Variants in ITPR3 observed in about 807,000 individuals in gnomAD.
ITPR3 encodes inositol 1,4,5-trisphosphate receptor type 3.
Under a neutral mutation model 293.2 loss-of-function variants are expected in ITPR3, and 173 were observed. The observed-to-expected ratio is 0.59, with a 90% CI of 0.52 to 0.67. The LOEUF (loss-of-function observed/expected upper bound fraction) is 0.67, where lower values mean the gene tolerates loss of function less well. Ranked by LOEUF, ITPR3 falls within the 30% of genes least tolerant of loss-of-function variation. The probability of loss-of-function intolerance (pLI) is 0.00; values close to 1 mark genes in which losing one functional copy is unlikely to be tolerated. For missense variants in ITPR3, 2,796 were observed against 3,592.1 expected (o/e 0.78, Z 5.66); for synonymous variants, 1,295 against 1,444.4 (o/e 0.90, Z 2.35).
Position 33,666,885 on chromosome 6 carries a change from G to A in ITPR3, c.1552-244G>A, listed in dbSNP as rs1764623581. On this transcript the variant is annotated intron_variant, in intron 14 of 57. Coordinates refer to ENST00000605930, the MANE Select transcript of ITPR3 (RefSeq NM_002224.4). The surrounding 1 kb of genome is among the most constrained non-coding windows in gnomAD (Gnocchi z 5.1). ...TCCCCCAGGCCCCAGATCTGAGCTG[G>A]GATTAGAATCCGCATCAGGGAGGGA... is the stretch of plus-strand genomic sequence containing the variant. Among the ~76,000 whole-genome samples, 1 of 152,170 alleles carries A rather than the reference G, an allele frequency of 6.6e-6. No homozygotes were observed. The highest frequency in any genetic ancestry group is 2.1e-4 in the South Asian group (1 of 4,832).
At chr6:33,623,289 C>T (rs1429325088) in intron 1 of ITPR3, among the ~76,000 whole-genome samples, 1 of 145,898 alleles carries the variant, frequency 6.9e-6, no homozygotes, top group Non-Finnish European at 1.5e-5. Flanking sequence ...TGGCTTGGGG[C>T]TGAACACATG....
At chr6:33,686,574 T>C (rs1468547190) in intron 43 of ITPR3, 55 bp downstream of exon 43, 7 of 1,299,718 alleles carry the variant, frequency 5.4e-6, no homozygotes, top group East Asian at 2.3e-5. Context: ...TGTGCATGCA[T>C]GTATGTGTGA....
In ITPR3 at chr6:33,669,119, G is replaced by C; in HGVS notation, c.2152G>C (p.Gly718Arg). ...GCAGCTGGCCCAGGAGGCGCGGGCC[G>C]GCAACGCCCACGACGAGAATGTGCT... Reference protein sequence around the residue: ...VRQLAQEARAGNAHDENVLSY... With the variant: ...VRQLAQEARARNAHDENVLSY... The change falls in exon 18 of 58, where the codon GGC (glycine) becomes CGC (arginine). Residue 718 changes from glycine (G) to arginine (R), a missense_variant. Physicochemically the swap from Gly to Arg is moderately radical, Grantham distance 125 (BLOSUM62 -2). This residue lies in a region of ITPR3 where 955 missense variants were observed against 1,180.8 expected (regional missense o/e 0.81). Coordinates refer to ENST00000605930, the MANE Select transcript of ITPR3 (RefSeq NM_002224.4). 3 of 1,614,070 alleles carry C rather than the reference G, an allele frequency of 1.9e-6. No individual in the cohort carries two copies. Among genetic ancestry groups the C allele is most frequent in the South Asian group, 1.1e-5 (1 of 91,062 alleles).
rs1561877725 is a variant in ITPR3 at position 33,683,382 on chromosome 6, C to T, written c.4773C>T (p.Ile1591=). Residue 1591 remains isoleucine (I), a synonymous_variant, in exon 35 of 58, where the codon ATC becomes ATT. Coordinates refer to ENST00000605930, the MANE Select transcript of ITPR3 (RefSeq NM_002224.4). The surrounding 1 kb of genome is among the most constrained non-coding windows in gnomAD (Gnocchi z 4.5). The part of the protein sequence containing the change: ...PTANQWDYKN[I]IEKLQDIITA... ...CCAACCAGTGGGACTACAAGAACATCATTGAGAAGCTGCAGGTGGGTGTGG... is the reference window on the plus strand; with the variant it reads ...CCAACCAGTGGGACTACAAGAACATTATTGAGAAGCTGCAGGTGGGTGTGG... 3 of 1,576,146 alleles carry T rather than the reference C, an allele frequency of 1.9e-6. No homozygotes were observed. Among genetic ancestry groups the T allele is most frequent in the Non-Finnish European group, 1.7e-6 (2 of 1,158,258 alleles).
chr6:33,682,057 T>G lies in ITPR3; in HGVS notation c.4477-467T>G, dbSNP rs1765091490. ...CCACCACGCCCGGCTAATTTTTGTATTTTTAGTAGAGACAGGGTTTCACCA... is the reference window on the plus strand; with the variant it reads ...CCACCACGCCCGGCTAATTTTTGTAGTTTTAGTAGAGACAGGGTTTCACCA... On this transcript the variant is annotated intron_variant, in intron 33 of 57. Coordinates refer to ENST00000605930, the MANE Select transcript of ITPR3 (RefSeq NM_002224.4). The surrounding 1 kb of genome is among the most constrained non-coding windows in gnomAD (Gnocchi z 5.4). Among the ~76,000 whole-genome samples the G allele has an allele frequency of 6.6e-6, 1 of 152,112 alleles. No individual in the cohort carries two copies. Among genetic ancestry groups the G allele is most frequent in the African/African-American group, 2.4e-5 (1 of 41,400 alleles).
Position 33,671,803 on chromosome 6 carries a change from C to T in ITPR3, c.2729-226C>T, listed in dbSNP as rs547786254. 2.0e-5 allele frequency among the ~76,000 whole-genome samples: 3 copies of T among 152,312 alleles called. No individual in the cohort carries two copies. In the East Asian group the frequency reaches 5.8e-4, roughly 29 times the overall value. ...CAGAAAATTCTCAGTCATCTCCCCA[C>T]ACAGCTCACCTTTGCCCTGACACCT... is the stretch of plus-strand genomic sequence containing the variant. On this transcript the variant is annotated intron_variant, in intron 21 of 57. Coordinates refer to ENST00000605930, the MANE Select transcript of ITPR3 (RefSeq NM_002224.4).
rs1764358822 is a variant in ITPR3 at position 33,658,084 on chromosome 6, GTGAGGGCTGC to G, written c.369+67_369+76del. On this transcript the variant is annotated intron_variant, in intron 4 of 57. Transcript: ENST00000605930. This position sits in a 1 kb window ranked among gnomAD's most constrained non-coding sequence, Gnocchi z 6.1. ...GCCTAAGAGGCTGGGCTGGTGCTGG[GTGAGGGCTGC>G]CAGCAGGCATTGCCCTCTGTGCATG... 1 of 1,414,300 alleles carries G rather than the reference GTGAGGGCTGC, an allele frequency of 7.1e-7. No individual in the cohort carries two copies. Among genetic ancestry groups the G allele is most frequent in the African/African-American group, 1.4e-5 (1 of 70,634 alleles). 87.6% of individuals were successfully genotyped at this position (1,414,300 alleles called of 1,614,324 possible). A position where few individuals can be genotyped will look rare whatever the true frequency, so the allele number is the denominator to read the frequency against.
rs977106751 is a variant in ITPR3, at chr6:33,667,652, C to T, written c.1714-140C>T. On this transcript the variant is annotated intron_variant, in intron 15 of 57. Coordinates refer to ENST00000605930, the MANE Select transcript of ITPR3 (RefSeq NM_002224.4). This position sits in a 1 kb window ranked among gnomAD's most constrained non-coding sequence, Gnocchi z 4.4. ...TAATGTAAGCCACTCTTCTGCCCAG[C>T]GATGCTTCCTTTCCTGGACCTCTGC... 3 of 915,320 alleles carry T rather than the reference C, an allele frequency of 3.3e-6. No individual in the cohort carries two copies. Among genetic ancestry groups the T allele is most frequent in the East Asian group, 2.7e-5 (1 of 37,726 alleles). The allele number at this position is 915,320 out of a possible 1,614,324, so 56.7% of individuals were successfully genotyped here.
chr6:33,694,403 T>TCC lies in ITPR3; in HGVS notation c.7786-514_7786-513dup, dbSNP rs546759207. 1,494 of 168,470 alleles carry TCC rather than the reference T, an allele frequency of 8.9e-3. 23 individuals are homozygous for TCC. Among genetic ancestry groups the TCC allele is most frequent in the East Asian group, 0.027 (141 of 5,228 alleles). 10.4% of individuals were successfully genotyped at this position (168,470 alleles called of 1,614,324 possible). On this transcript the variant is annotated intron_variant, in intron 56 of 57. Coordinates refer to ENST00000605930, the MANE Select transcript of ITPR3 (RefSeq NM_002224.4). ...AAGCTGAGAATTGCTTGGTGCCCCC[T>TCC]CCCCCCCCGACTCCTCTGTCCTGGG...
At position 33,691,942 on chromosome 6, in the gene ITPR3, C is replaced by T; in HGVS notation, c.7458+14C>T. ...CCCTCCAAAGATGTGAGCACTCCTG[C>T]CCACTCCCAAACCTGTGGGGCCCAA... On this transcript the variant is annotated intron_variant, in intron 54 of 57. Transcript: ENST00000605930. The surrounding 1 kb of genome is among the most constrained non-coding windows in gnomAD (Gnocchi z 4.9). 1 of 1,613,564 alleles carries T rather than the reference C, an allele frequency of 6.2e-7. No individual in the cohort carries two copies. Among genetic ancestry groups the T allele is most frequent in the Non-Finnish European group, 8.5e-7 (1 of 1,180,002 alleles).
Position 33,669,160 on chromosome 6 carries a change from C to A in ITPR3, c.2189+4C>A, listed in dbSNP as rs746813443. Reference sequence around the variant, plus strand: ...AGAATGTGCTCAGCTACTACAGGTGCCCCGCCCCAGCTCCTCCCCTCCCTC... The same window carrying A: ...AGAATGTGCTCAGCTACTACAGGTGACCCGCCCCAGCTCCTCCCCTCCCTC... On this transcript the variant is annotated splice_donor_region_variant and intron_variant, in intron 18 of 57. Coordinates refer to ENST00000605930, the MANE Select transcript of ITPR3 (RefSeq NM_002224.4). The A allele has an allele frequency of 1.2e-6, 2 of 1,611,802 alleles. No homozygotes were observed. The highest frequency in any genetic ancestry group is 1.7e-6 in the Non-Finnish European group (2 of 1,178,870).
chr6:33,668,321 G>A (rs1165775012), intron 16 of ITPR3, among the ~76,000 whole-genome samples, 194 bp from the exon 17 acceptor site: 3 of 152,136 alleles, frequency 2.0e-5, no homozygotes, highest in Admixed American at 6.5e-5. Context: ...TAGCCTTCCC[G>A]GACCCCAGGG....
At chr6:33,625,910 C>G (rs6903502) in intron 1 of ITPR3, among the ~76,000 whole-genome samples, 41,147 of 152,048 alleles carry the variant, frequency 0.27, 6,289 homozygotes, top group East Asian at 0.4. Flanking sequence ...GTGTCTGTCT[C>G]ATGTTCCATC....
At chr6:33,695,235 G>C (rs1765510419) in intron 57 of ITPR3, 150 bp downstream of exon 57, 1 of 821,328 alleles carries the variant, frequency 1.2e-6, no homozygotes, top group Non-Finnish European at 1.9e-6. Context: ...ACTCTCCCCT[G>C]CATGGCAAGT....
At chr6:33,647,916 G>GA (rs1764104626) in intron 2 of ITPR3, among the ~76,000 whole-genome samples, 1 of 152,106 alleles carries the variant, frequency 6.6e-6, no homozygotes, top group Admixed American at 6.5e-5. Flanking sequence ...GGAGCTCGGT[G>GA]ATTGCCACTT....
intron 1 of ITPR3, among the ~76,000 whole-genome samples, chr6:33,630,265 T>G (rs776193079): frequency 3.3e-5 from 5 of 152,196 alleles, no homozygotes; most frequent in Non-Finnish European, 7.3e-5. Context: ...CTGGATTGAT[T>G]TGTCAGGGCT....
At position 33,652,989 on chromosome 6, in the gene ITPR3, C is replaced by T. The variant is rs138595049; in HGVS notation, c.161-2777C>T. 3.1e-3 allele frequency among the ~76,000 whole-genome samples: 479 copies of T among 152,294 alleles called. 3 individuals are homozygous for T. Among genetic ancestry groups the T allele is most frequent in the African/African-American group, 0.011 (440 of 41,560 alleles). On this transcript the variant is annotated intron_variant, in intron 2 of 57. Coordinates refer to ENST00000605930, the MANE Select transcript of ITPR3 (RefSeq NM_002224.4). Reference sequence around the variant, plus strand: ...GTGGCATGATCAGGGCTCACTGCAGCCTTGACTTCCTGGTTTCAAGGGATT... The same window carrying T: ...GTGGCATGATCAGGGCTCACTGCAGTCTTGACTTCCTGGTTTCAAGGGATT...
intron 1 of ITPR3, among the ~76,000 whole-genome samples, chr6:33,637,471 T>C (rs886892019): frequency 1.6e-4 from 25 of 152,068 alleles, no homozygotes; most frequent in African/African-American, 6.0e-4. Flanking sequence ...TTTTGTTTGC[T>C]TGTTTGTTTG....
At chr6:33,689,979 C>A in intron 50 of ITPR3, 55 bp from the exon 51 acceptor site, 1 of 1,598,660 alleles carries the variant, frequency 6.3e-7, no homozygotes. Flanking sequence ...GACATGCGTG[C>A]AGATTCAGCA....
Sources: allele counts gnomAD v4.1 joint callset (sites outside exome capture counted in the v4.1 genomes callset), GRCh38; gene constraint gnomAD v4.1.1; regional missense constraint gnomAD v4.1.1; non-coding constraint Gnocchi (gnomAD v3.1); transcripts MANE v1.5; gene names NCBI Gene and HGNC (gene_info 2026-07-23, HGNC 2026-07-21).